The following HHAT variants were observed in gnomAD, a reference collection of about 807,000 sequenced individuals.
HHAT encodes the protein protein-cysteine N-palmitoyltransferase HHAT.
A neutral mutation model predicts 70.8 loss-of-function variants in HHAT; 47 were observed. The ratio of observed to expected loss-of-function variants is 0.66; its 90% CI spans 0.53 to 0.85. The LOEUF is 0.85. Among genes scored for constraint, HHAT ranks in the 40% least tolerant of loss-of-function variants. The pLI is 0.00. For missense variants in HHAT, 609 were observed against 604.8 expected, an observed-to-expected ratio of 1.01 and a Z score of -0.07; for synonymous variants, 228 against 247.6, an observed-to-expected ratio of 0.92 and a Z score of 0.74.
intron 11 of HHAT, among the ~76,000 whole-genome samples, chr1:210,660,019 T>C (rs1026329805): frequency 6.6e-6 from 1 of 152,038 alleles, no homozygotes; most frequent in African/African-American, 2.4e-5. Flanking sequence ...AAGACAGGGG[T>C]GCTGTCTGTC....
At chr1:210,585,663 C>T (rs1030706787) in intron 9 of HHAT, among the ~76,000 whole-genome samples, 4 of 152,134 alleles carry the variant, frequency 2.6e-5, no homozygotes, top group African/African-American at 7.2e-5. Flanking sequence ...AGGTGATCCA[C>T]CCGCCTCAGC....
chr1:210,420,171 T>C (rs950788883), intron 7 of HHAT, among the ~76,000 whole-genome samples: 4 of 152,250 alleles, frequency 2.6e-5, no homozygotes, highest in Non-Finnish European at 5.9e-5. Context: ...TCTTTTTCTT[T>C]GTACTTTTAC....
chr1:210,514,510 C>T (rs1338131817), intron 9 of HHAT, among the ~76,000 whole-genome samples: 3 of 152,170 alleles, frequency 2.0e-5, no homozygotes, highest in Non-Finnish European at 4.4e-5. Context: ...GTGCTTTGTA[C>T]AACTCCCATT....
At chr1:210,488,148 A>G (rs2148505176) in intron 8 of HHAT, among the ~76,000 whole-genome samples, 1 of 152,350 alleles carries the variant, frequency 6.6e-6, no homozygotes, top group South Asian at 2.1e-4. Context: ...ACACTGGAGA[A>G]TTTGATGCAC....
chr1:210,527,738 G>A (rs538296989), intron 9 of HHAT, among the ~76,000 whole-genome samples: 25 of 152,304 alleles, frequency 1.6e-4, no homozygotes, highest in African/African-American at 5.8e-4. Context: ...GCGCCAACAG[G>A]GTGGCCCTAA....
intron 9 of HHAT, among the ~76,000 whole-genome samples, chr1:210,535,579 A>T (rs1248879794): frequency 1.3e-5 from 2 of 151,934 alleles, no homozygotes; most frequent in Non-Finnish European, 2.9e-5. Context: ...TGGTGTGCAA[A>T]CAGCTCTGTT....
intron 11 of HHAT, among the ~76,000 whole-genome samples, chr1:210,647,857 G>A (rs1487856658): frequency 2.6e-5 from 4 of 152,220 alleles, no homozygotes; most frequent in African/African-American, 4.8e-5. Context: ...TATTGCTGAG[G>A]AGACAGTTTT....
intron 10 of HHAT, among the ~76,000 whole-genome samples, chr1:210,621,505 C>G (rs1243770743): frequency 6.6e-6 from 1 of 152,208 alleles, no homozygotes; most frequent in Non-Finnish European, 1.5e-5. Flanking sequence ...CTCACCCTGC[C>G]TCCCTAGTTA....
chr1:210,329,264 G>C (rs1292606005), intron 1 of HHAT, 160 bp downstream of exon 1: 6 of 1,230,738 alleles, frequency 4.9e-6, no homozygotes, highest in African/African-American at 1.6e-5. Context: ...TTCCCGGTCG[G>C]GCGAAGAAGA....
At chr1:210,499,389 C>T (rs2094710920) in intron 8 of HHAT, among the ~76,000 whole-genome samples, 1 of 152,218 alleles carries the variant, frequency 6.6e-6, no homozygotes, top group African/African-American at 2.4e-5. Context: ...GTAATCCCAA[C>T]ACTTTGGGAG....
intron 8 of HHAT, among the ~76,000 whole-genome samples, chr1:210,494,789 G>A (rs2094608640): frequency 6.6e-6 from 1 of 151,984 alleles, no homozygotes; most frequent in African/African-American, 2.4e-5. Context: ...CTGACCTCAG[G>A]CTATCCGCCT....
At chr1:210,353,399 T>C (rs1425691889) in intron 2 of HHAT, among the ~76,000 whole-genome samples, 1 of 150,376 alleles carries the variant, frequency 6.6e-6, no homozygotes, top group African/African-American at 2.4e-5. Flanking sequence ...TGAATTCCCA[T>C]CATGGAAAAT....
intron 5 of HHAT, among the ~76,000 whole-genome samples, chr1:210,404,011 TAACAA>T (rs2092211042): frequency 6.6e-6 from 1 of 151,682 alleles, no homozygotes; most frequent in Non-Finnish European, 1.5e-5. Context: ...GCCAAACTGA[TAACAA>T]AAGAGGAAAA....
intron 11 of HHAT, among the ~76,000 whole-genome samples, chr1:210,637,874 G>GA (rs1168640351): frequency 1.3e-4 from 19 of 142,198 alleles, no homozygotes; most frequent in Middle Eastern, 3.8e-3. Flanking sequence ...AAAAAAAAGG[G>GA]GGGGGCAAAG....
intron 8 of HHAT, among the ~76,000 whole-genome samples, chr1:210,512,384 C>T (rs2094971156): frequency 6.7e-6 from 1 of 150,120 alleles, no homozygotes; most frequent in East Asian, 2.0e-4. Context: ...GCTTTTGAAA[C>T]ATATTTCGGG....
chr1:210,579,580 CAAAG>C (rs1297868533), intron 9 of HHAT, among the ~76,000 whole-genome samples: 1 of 152,164 alleles, frequency 6.6e-6, no homozygotes, highest in African/African-American at 2.4e-5. Flanking sequence ...ACCTCATACT[CAAAG>C]AAGGTTTTAG....
chr1:210,555,203 C>T (rs778847690), intron 9 of HHAT, among the ~76,000 whole-genome samples: 3 of 152,186 alleles, frequency 2.0e-5, no homozygotes, highest in Non-Finnish European at 4.4e-5. Context: ...AAACAGCCTA[C>T]AGACAGAGGC....
intron 10 of HHAT, among the ~76,000 whole-genome samples, chr1:210,595,011 A>C (rs1029721846): frequency 6.6e-6 from 1 of 152,034 alleles, no homozygotes; most frequent in South Asian, 2.1e-4. Flanking sequence ...CATGTGCACA[A>C]CGTGCAGGTT....
At chr1:210,456,386 A>G (rs909133560) in intron 7 of HHAT, among the ~76,000 whole-genome samples, 4 of 152,140 alleles carry the variant, frequency 2.6e-5, no homozygotes, top group Non-Finnish European at 4.4e-5. Context: ...AAGCAGCCCT[A>G]AAGCCTCTTC....
Sources: allele counts gnomAD v4.1 joint callset (sites outside exome capture counted in the v4.1 genomes callset), GRCh38; gene constraint gnomAD v4.1.1; transcripts MANE v1.5; gene names NCBI Gene and HGNC (gene_info 2026-07-23, HGNC 2026-07-21).